The following PDE10A variants were observed in gnomAD, a reference collection of about 807,000 sequenced individuals.
PDE10A encodes cAMP and cAMP-inhibited cGMP 3',5'-cyclic phosphodiesterase 10A.
PDE10A carries 39 observed loss-of-function variants against 97.7 expected under a neutral mutation model. The observed-to-expected ratio is 0.40, with a 90% CI of 0.31 to 0.52. The LOEUF is 0.52. Among genes scored for constraint, PDE10A ranks in the 20% least tolerant of loss-of-function variants. PDE10A has a pLI of 0.56. For missense variants in PDE10A, 731 were observed against 1,047.8 expected (o/e 0.70, Z 4.17); for synonymous variants, 371 against 376.8 (o/e 0.98, Z 0.18).
intron 15 of PDE10A, among the ~76,000 whole-genome samples, chr6:165,393,916 C>G (rs187190566): frequency 6.6e-6 from 1 of 152,236 alleles, no homozygotes; most frequent in Admixed American, 6.5e-5. Context: ...GGGAAAAGAT[C>G]TGCAATGAAA....
chr6:165,627,722 C>T (rs1305381044), intron 1 of PDE10A, among the ~76,000 whole-genome samples: 2 of 152,212 alleles, frequency 1.3e-5, no homozygotes, highest in Non-Finnish European at 2.9e-5. Context: ...TAGCCAGAGA[C>T]CTGTCCATAC....
rs1234541539 is a variant in PDE10A, at chr6:165,330,431, T to C, written c.*2594A>G. 4 of 152,200 alleles carry C rather than the reference T, an allele frequency of 2.6e-5. No individual in the cohort carries two copies. The highest frequency in any genetic ancestry group is 1.5e-5 in the Non-Finnish European group (1 of 68,024). 9.4% of individuals were successfully genotyped at this position (152,200 alleles called of 1,614,324 possible). On this transcript the variant is annotated 3_prime_UTR_variant, in exon 22 of 22. Coordinates refer to ENST00000539869, the MANE Select transcript of PDE10A (RefSeq NM_001385079.1). The stretch of plus-strand genomic sequence containing the variant: ...ACTGCATGTTTTCCAAAACAAATCA[T>C]TAACTAAATATCACTGCAACCCGGG...
chr6:165,577,171 T>C (rs905504631), intron 1 of PDE10A, among the ~76,000 whole-genome samples: 17 of 152,252 alleles, frequency 1.1e-4, no homozygotes, highest in Non-Finnish European at 2.4e-4. Flanking sequence ...ATTGTTTAAG[T>C]AATCTGAAGC....
Position 165,516,958 on chromosome 6 carries a change from T to C in PDE10A, c.994+26482A>G, listed in dbSNP as rs114884566. Reference sequence around the variant, plus strand: ...AGCTTCCAATTACTATAAAGAACTATATTTTTAACATAATGTGCTAAAAAG... The same window carrying C: ...AGCTTCCAATTACTATAAAGAACTACATTTTTAACATAATGTGCTAAAAAG... On this transcript the variant is annotated intron_variant, in intron 2 of 21. Coordinates refer to ENST00000539869, the MANE Select transcript of PDE10A (RefSeq NM_001385079.1). Among the ~76,000 whole-genome samples, 366 of 152,248 alleles carry C rather than the reference T, an allele frequency of 2.4e-3. 3 individuals are homozygous for C. The highest frequency in any genetic ancestry group is 8.2e-3 in the African/African-American group (340 of 41,576).
chr6:165,390,953 G>C (rs1332691065), intron 16 of PDE10A, among the ~76,000 whole-genome samples: 2 of 152,126 alleles, frequency 1.3e-5, no homozygotes, highest in Non-Finnish European at 2.9e-5. Context: ...TGGTTTCCAT[G>C]TTATATGCTG....
At chr6:165,524,956 G>A (rs963961975) in intron 2 of PDE10A, among the ~76,000 whole-genome samples, 1 of 152,126 alleles carries the variant, frequency 6.6e-6, no homozygotes, top group Non-Finnish European at 1.5e-5. Context: ...TCCCCTCCCT[G>A]ACCCATGCTG....
intron 17 of PDE10A, among the ~76,000 whole-genome samples, chr6:165,385,992 A>G (rs781738929): frequency 2.6e-5 from 4 of 152,132 alleles, no homozygotes; most frequent in Non-Finnish European, 4.4e-5. Flanking sequence ...TAATTCACCA[A>G]TGACTGAAAT....
intron 1 of PDE10A, among the ~76,000 whole-genome samples, chr6:165,812,692 T>G (rs1779312562): frequency 6.6e-6 from 1 of 152,190 alleles, no homozygotes; most frequent in African/African-American, 2.4e-5. Context: ...AATGTTTGAT[T>G]TTATATGTTC....
intron 3 of PDE10A, among the ~76,000 whole-genome samples, chr6:165,451,277 C>T (rs957916279): frequency 6.6e-6 from 1 of 152,142 alleles, no homozygotes; most frequent in African/African-American, 2.4e-5. Context: ...GATGTCAACC[C>T]CCACCCTGCT....
At chr6:165,460,840 G>T (rs534904123) in intron 3 of PDE10A, among the ~76,000 whole-genome samples, 1 of 152,044 alleles carries the variant, frequency 6.6e-6, no homozygotes, top group Non-Finnish European at 1.5e-5. Context: ...ATGAAACGAG[G>T]TATGTCCCTG....
chr6:165,557,140 A>G (rs1233288626), intron 1 of PDE10A, among the ~76,000 whole-genome samples: 1 of 149,842 alleles, frequency 6.7e-6, no homozygotes, highest in East Asian at 1.9e-4. Context: ...CTCCATGTCG[A>G]AAAAAAAAAA....
At chr6:165,509,855 T>C (rs908763547) in intron 2 of PDE10A, among the ~76,000 whole-genome samples, 4 of 152,046 alleles carry the variant, frequency 2.6e-5, no homozygotes, top group African/African-American at 4.8e-5. Flanking sequence ...GTAAATGGGA[T>C]TGGCTTCTTG....
chr6:165,601,257 A>G (rs191357264), intron 1 of PDE10A, among the ~76,000 whole-genome samples: 1 of 152,218 alleles, frequency 6.6e-6, no homozygotes, highest in Admixed American at 6.5e-5. Flanking sequence ...GTGGAACTGA[A>G]AGTCCAATTA....
At chr6:165,558,670 C>CCAATG (rs1372319968) in intron 1 of PDE10A, among the ~76,000 whole-genome samples, 1 of 151,910 alleles carries the variant, frequency 6.6e-6, no homozygotes, top group Non-Finnish European at 1.5e-5. Flanking sequence ...TTATATTTCC[C>CCAATG]CAATGCAATG....
intron 18 of PDE10A, among the ~76,000 whole-genome samples, chr6:165,355,589 T>A (rs1782971768): frequency 1.3e-5 from 2 of 152,142 alleles, no homozygotes; most frequent in Admixed American, 1.3e-4. Context: ...CAAAGTTGTG[T>A]ATCTAGCCCC....
At chr6:165,791,423 C>T (rs1778645755) in intron 1 of PDE10A, among the ~76,000 whole-genome samples, 2 of 152,148 alleles carry the variant, frequency 1.3e-5, no homozygotes, top group African/African-American at 4.8e-5. Flanking sequence ...TCTTTATCTA[C>T]CTGTTGATGG....
chr6:165,875,736 T>TTTTTG (rs764266359), intron 1 of PDE10A, among the ~76,000 whole-genome samples: 66 of 94,358 alleles, frequency 7.0e-4, no homozygotes, highest in Middle Eastern at 4.7e-3. Context: ...TTACTGTTTT[T>TTTTTG]TTTTTTTTTT....
In PDE10A at chr6:165,475,559, G is replaced by A. The variant is rs73035762; in HGVS notation, c.1023+6756C>T. 6.9e-3 allele frequency among the ~76,000 whole-genome samples: 1,043 copies of A among 152,210 alleles called. 14 individuals carry two copies. Among genetic ancestry groups the A allele is most frequent in the Non-Finnish European group, 0.012 (793 of 67,998 alleles). ...CATTCACTAAGAACTTAATGAAAAC[G>A]TCTCCTTCCCAAGAAAATTACACTG... is the stretch of plus-strand genomic sequence containing the variant. On this transcript the variant is annotated intron_variant, in intron 3 of 21. Transcript: ENST00000539869.
At chr6:165,769,217 G>A (rs1025699838) in intron 1 of PDE10A, among the ~76,000 whole-genome samples, 1 of 152,176 alleles carries the variant, frequency 6.6e-6, no homozygotes, top group Non-Finnish European at 1.5e-5. Context: ...TACTTGCTGC[G>A]TGGCTGGAAC....
Sources: allele counts gnomAD v4.1 joint callset (sites outside exome capture counted in the v4.1 genomes callset), GRCh38; gene constraint gnomAD v4.1.1; transcripts MANE v1.5; gene names NCBI Gene and HGNC (gene_info 2026-07-23, HGNC 2026-07-21).